The following MYOM1 variants were observed in gnomAD, a reference collection of about 807,000 sequenced individuals.
The protein encoded by MYOM1 is myomesin 1.
A neutral mutation model predicts 205.3 loss-of-function variants in MYOM1; 164 were observed. That is an observed-to-expected ratio of 0.80 (90% confidence interval 0.70 to 0.91). The LOEUF is 0.91. Among genes scored for constraint, MYOM1 ranks in the 40% least tolerant of loss-of-function variants. The pLI is 0.00. For missense variants in MYOM1, 2,011 were observed against 2,127.3 expected (o/e 0.95, Z 1.08); for synonymous variants, 772 against 789.4 (o/e 0.98, Z 0.37).
intron 25 of MYOM1, among the ~76,000 whole-genome samples, chr18:3,095,824 G>A (rs2079296217): frequency 6.6e-6 from 1 of 152,194 alleles, no homozygotes; most frequent in Non-Finnish European, 1.5e-5. Context: ...TGAGCAGGAT[G>A]TCTGAGTGCA....
intron 2 of MYOM1, among the ~76,000 whole-genome samples, chr18:3,195,744 C>A (rs1039278130): frequency 1.3e-5 from 2 of 152,044 alleles, no homozygotes; most frequent in Non-Finnish European, 2.9e-5. Context: ...GCTCCTTTTT[C>A]TGTCATTTAT....
chr18:3,233,643 CAA>C, the MYOM1 span, among the ~76,000 whole-genome samples: 2 of 152,076 alleles, frequency 1.3e-5, no homozygotes, highest in African/African-American at 4.8e-5. Flanking sequence ...TGAGGTAATG[CAA>C]AAAGAGGTGT....
intron 14 of MYOM1, among the ~76,000 whole-genome samples, chr18:3,137,649 T>A (rs2079990058): frequency 6.6e-6 from 1 of 152,186 alleles, no homozygotes; most frequent in Non-Finnish European, 1.5e-5. Context: ...GAATGGTGGT[T>A]ACCAGAGGCT....
chr18:3,168,823 T>C lies in MYOM1; in HGVS notation c.1333A>G (p.Arg445Gly), dbSNP rs1567946959. Residue 445 changes from arginine (R) to glycine (G), a missense_variant, in exon 9 of 38, where the codon AGA becomes GGA. Coordinates refer to ENST00000356443, the MANE Select transcript of MYOM1 (RefSeq NM_003803.4). The part of the protein sequence containing the change: ...KHFQPEIQWY[R>G]NGVPLSPSKW... ...ATTCATTGTAAAGACTCACCGTTTC[T>C]GTACCACTGGATCTCTGGCTGGAAA... 2 of 1,613,958 alleles carry C rather than the reference T, an allele frequency of 1.2e-6. No homozygotes were observed. Among genetic ancestry groups the C allele is most frequent in the East Asian group, 2.2e-5 (1 of 44,872 alleles).
Position 3,066,982 on chromosome 18 carries a change from C to A in MYOM1, c.*280G>T. The A allele has an allele frequency of 2.5e-6, 1 of 399,540 alleles. No homozygotes were observed. The highest frequency in any genetic ancestry group is 4.6e-6 in the Non-Finnish European group (1 of 216,630). The allele number at this position is 399,540 out of a possible 1,614,324, so 24.7% of individuals were successfully genotyped here. A position where few individuals can be genotyped will look rare whatever the true frequency, so the allele number is the denominator to read the frequency against. The stretch of plus-strand genomic sequence containing the variant: ...ACACATTCGTCTGCCCTCTGACCAT[C>A]ATTCAATGTCCCTCCAACTTCATTC... On this transcript the variant is annotated 3_prime_UTR_variant, in exon 38 of 38. Transcript: ENST00000356443.
chr18:3,141,927 C>G lies in MYOM1; in HGVS notation c.2025+12G>C. On this transcript the variant is annotated intron_variant, in intron 14 of 37. Transcript: ENST00000356443. ...GAGGTAGTATGAGGTCATGTTGATT[C>G]TAGAGTCTTACCTTTTCCACAAAGT... The G allele has an allele frequency of 6.2e-7, 1 of 1,613,472 alleles. No individual in the cohort carries two copies. Among genetic ancestry groups the G allele is most frequent in the East Asian group, 2.2e-5 (1 of 44,858 alleles).
chr18:3,133,849 T>C (rs1209029725), intron 16 of MYOM1, among the ~76,000 whole-genome samples: 1 of 152,122 alleles, frequency 6.6e-6, no homozygotes, highest in Admixed American at 6.6e-5. Context: ...ATATCTAAAG[T>C]GTAATTGTTT....
chr18:3,193,363 C>T lies in MYOM1; in HGVS notation c.431+455G>A, dbSNP rs142140505. On this transcript the variant is annotated intron_variant, in intron 3 of 37. Transcript: ENST00000356443. Reference sequence around the variant, plus strand: ...GTACATATACATATATATATATATACACACACACACACACACACAATAATA... The same window carrying T: ...GTACATATACATATATATATATATATACACACACACACACACACAATAATA... 7.6e-3 allele frequency among the ~76,000 whole-genome samples: 1,020 copies of T among 134,570 alleles called. 17 individuals carry two copies. Among genetic ancestry groups the T allele is most frequent in the African/African-American group, 0.029 (932 of 32,252 alleles). 88.3% of individuals were successfully genotyped at this position (134,570 alleles called of 152,430 possible).
intron 22 of MYOM1, among the ~76,000 whole-genome samples, chr18:3,109,626 G>A (rs933059290): frequency 2.0e-5 from 3 of 152,156 alleles, no homozygotes; most frequent in African/African-American, 7.2e-5. Flanking sequence ...ATCTCAGGAG[G>A]TTTATGTATA....
rs190013558 is a variant in MYOM1 at position 3,209,154 on chromosome 18, G to A, written c.290+5780C>T. On this transcript the variant is annotated intron_variant, in intron 2 of 37. Coordinates refer to ENST00000356443, the MANE Select transcript of MYOM1 (RefSeq NM_003803.4). This position sits in a 1 kb window ranked among gnomAD's most constrained non-coding sequence, Gnocchi z 4.0. The stretch of plus-strand genomic sequence containing the variant: ...GGGAATCTGGGAAAATGGGGAACAA[G>A]TGAATGGTTTTACTATCATCATACC... Among the ~76,000 whole-genome samples, 1 of 152,320 alleles carries A rather than the reference G, an allele frequency of 6.6e-6. No homozygotes were observed. Among genetic ancestry groups the A allele is most frequent in the African/African-American group, 2.4e-5 (1 of 41,572 alleles).
intron 2 of MYOM1, among the ~76,000 whole-genome samples, chr18:3,206,286 T>G (rs137938675): frequency 4.6e-5 from 7 of 152,352 alleles, no homozygotes; most frequent in African/African-American, 1.7e-4. Flanking sequence ...AAAAACTTCA[T>G]CTTTACATAT....
intron 12 of MYOM1, among the ~76,000 whole-genome samples, chr18:3,151,262 A>C (rs2080216952): frequency 6.6e-6 from 1 of 151,644 alleles, no homozygotes; most frequent in South Asian, 2.1e-4. Flanking sequence ...TAATGCTCTA[A>C]GGGTGGACTC....
intron 2 of MYOM1, among the ~76,000 whole-genome samples, chr18:3,208,590 A>G (rs2081154989): frequency 6.6e-6 from 1 of 152,144 alleles, no homozygotes; most frequent in African/African-American, 2.4e-5. Context: ...GCTTTCATAG[A>G]TATTTCCCTC....
At chr18:3,113,505 A>T (rs374275598) in intron 21 of MYOM1, among the ~76,000 whole-genome samples, 2 of 151,376 alleles carry the variant, frequency 1.3e-5, no homozygotes, top group Admixed American at 6.6e-5. Context: ...CCTAAAAACA[A>T]TTTTTTTTAT....
At position 3,151,790 on chromosome 18, in the gene MYOM1, G is replaced by T. The variant is rs765191680; in HGVS notation, c.1747C>A (p.Arg583=). 3 of 1,613,874 alleles carry T rather than the reference G, an allele frequency of 1.9e-6. No individual in the cohort carries two copies. The East Asian group carries it at 6.7e-5, about 36-fold the overall frequency. Residue 583 remains arginine, a synonymous_variant, in exon 12 of 38, where the codon CGA becomes AGA. Transcript: ENST00000356443. ...CCCATTTTATTCACAGCTCGAACTC[G>T]GAAGATATAGGAACGACCTTCGATC... The part of the protein sequence containing the change: ...GLIEGRSYIF[R]VRAVNKMGIG...
intron 7 of MYOM1, 38 bp downstream of exon 7, chr18:3,174,082 C>CAT: frequency 6.2e-7 from 1 of 1,608,146 alleles, no homozygotes; most frequent in Non-Finnish European, 8.5e-7. Context: ...TTTAAAAACA[C>CAT]ACACACACTT....
intron 21 of MYOM1, among the ~76,000 whole-genome samples, chr18:3,112,799 C>T (rs2079547087): frequency 2.0e-5 from 3 of 152,104 alleles, no homozygotes; most frequent in Non-Finnish European, 4.4e-5. Flanking sequence ...GTCGCTTTTC[C>T]CCCCAATCCT....
intron 8 of MYOM1, among the ~76,000 whole-genome samples, chr18:3,170,839 T>C (rs11877208): frequency 0.4 from 60,118 of 151,424 alleles, 11,964 homozygotes; most frequent in Middle Eastern, 0.43. Context: ...ATTTCACAGG[T>C]AGCATGTGTG....
chr18:3,078,246 T>C (rs908583478), intron 34 of MYOM1, among the ~76,000 whole-genome samples: 4 of 152,006 alleles, frequency 2.6e-5, no homozygotes, highest in African/African-American at 9.7e-5. Context: ...TTCACCATGT[T>C]GGCCAGGCTG....
Sources: allele counts gnomAD v4.1 joint callset (sites outside exome capture counted in the v4.1 genomes callset), GRCh38; gene constraint gnomAD v4.1.1; non-coding constraint Gnocchi (gnomAD v3.1); transcripts MANE v1.5; gene names NCBI Gene and HGNC (gene_info 2026-07-23, HGNC 2026-07-21).